NKAIN2: variants seen among roughly 807,000 people sequenced by gnomAD.
The protein encoded by NKAIN2 is sodium/potassium-transporting ATPase subunit beta-1-interacting protein 2.
NKAIN2 carries 14 observed loss-of-function variants against 32.6 expected under a neutral mutation model. The observed-to-expected ratio is 0.43, with a 90% CI of 0.28 to 0.67. NKAIN2 has a LOEUF of 0.67. Ranked by LOEUF, NKAIN2 falls within the 30% of genes least tolerant of loss-of-function variation. The probability of loss-of-function intolerance (pLI) is 0.17; values close to 1 mark genes in which losing one functional copy is unlikely to be tolerated. For synonymous variants in NKAIN2, 80 were observed against 87.2 expected (o/e 0.92, Z 0.46); for missense variants, 198 against 258.3 (o/e 0.77, Z 1.60).
At chr6:124,157,389 AT>A (rs1254774171) in intron 1 of NKAIN2, among the ~76,000 whole-genome samples, 2 of 151,436 alleles carry the variant, frequency 1.3e-5, no homozygotes, top group African/African-American at 2.4e-5. Context: ...TTCCTTCTTT[AT>A]TTTCTGTGTG....
intron 1 of NKAIN2, among the ~76,000 whole-genome samples, chr6:124,001,977 A>G (rs1184523826): frequency 6.6e-6 from 1 of 151,978 alleles, no homozygotes; most frequent in Non-Finnish European, 1.5e-5. Context: ...TAACTTATTC[A>G]TTCAACAAAC....
chr6:124,204,634 C>CAACG (rs1790766256), intron 1 of NKAIN2, among the ~76,000 whole-genome samples: 1 of 151,672 alleles, frequency 6.6e-6, no homozygotes. Context: ...TGTCAAAGGG[C>CAACG]AACTATTCAT....
chr6:124,579,103 A>G (rs1185312815), intron 3 of NKAIN2, among the ~76,000 whole-genome samples: 5 of 152,186 alleles, frequency 3.3e-5, no homozygotes, highest in South Asian at 2.1e-4. Flanking sequence ...CCAAATCCCT[A>G]TGAATACCTG....
chr6:124,000,116 A>G (rs1779810011), intron 1 of NKAIN2, among the ~76,000 whole-genome samples: 1 of 152,130 alleles, frequency 6.6e-6, no homozygotes, highest in African/African-American at 2.4e-5. Context: ...TTAACATTTC[A>G]TCGTCTTCCA....
At chr6:124,533,169 G>A (rs974520413) in intron 3 of NKAIN2, among the ~76,000 whole-genome samples, 10 of 152,062 alleles carry the variant, frequency 6.6e-5, no homozygotes, top group African/African-American at 2.4e-4. Flanking sequence ...TACTTGGTGT[G>A]TCTGTGATAA....
intron 2 of NKAIN2, among the ~76,000 whole-genome samples, chr6:124,336,408 A>G (rs1426062820): frequency 6.6e-6 from 1 of 152,178 alleles, no homozygotes; most frequent in East Asian, 1.9e-4. Flanking sequence ...TTCCTGGAAG[A>G]ACAGAGTGTT....
intron 2 of NKAIN2, among the ~76,000 whole-genome samples, chr6:124,295,138 G>T (rs536544781): frequency 1.3e-4 from 20 of 152,224 alleles, no homozygotes; most frequent in African/African-American, 3.4e-4. Context: ...TGTTTTGAAA[G>T]GTTAGTGTTT....
intron 1 of NKAIN2, among the ~76,000 whole-genome samples, chr6:124,051,473 G>A (rs140752311): frequency 0.014 from 2,125 of 151,758 alleles, 48 homozygotes; most frequent in African/African-American, 0.049. Flanking sequence ...TGTACACAAC[G>A]TGCAGGTTTG....
In NKAIN2 at chr6:123,942,775, C is replaced by T. The variant is rs535720620; in HGVS notation, c.54+138521C>T. Among the ~76,000 whole-genome samples, 38 of 152,054 alleles carry T rather than the reference C, an allele frequency of 2.5e-4. No homozygotes were observed. In the South Asian group the frequency reaches 6.0e-3, roughly 24 times the overall value. ...GGCTTCTTAAACATAATCCTATGAGCCATGATTTAAATTAACAAACCTTAT... is the reference window on the plus strand; with the variant it reads ...GGCTTCTTAAACATAATCCTATGAGTCATGATTTAAATTAACAAACCTTAT... On this transcript the variant is annotated intron_variant, in intron 1 of 6. Coordinates refer to ENST00000368417, the MANE Select transcript of NKAIN2 (RefSeq NM_001040214.3).
intron 2 of NKAIN2, among the ~76,000 whole-genome samples, chr6:124,326,399 A>G (rs1050543878): frequency 2.6e-5 from 4 of 151,882 alleles, no homozygotes; most frequent in Admixed American, 6.6e-5. Flanking sequence ...CAGCTTCCTC[A>G]CTCCAGGGTT....
chr6:124,349,970 C>G (rs564669739), intron 2 of NKAIN2, among the ~76,000 whole-genome samples: 3 of 152,206 alleles, frequency 2.0e-5, no homozygotes, highest in East Asian at 1.9e-4. Flanking sequence ...TTTTATCATA[C>G]AATAGAATTT....
chr6:124,489,830 T>C (rs1444313237), intron 3 of NKAIN2, among the ~76,000 whole-genome samples: 1 of 151,836 alleles, frequency 6.6e-6, no homozygotes, highest in African/African-American at 2.4e-5. Context: ...TTTTTTAACA[T>C]GGTATATAAT....
At chr6:123,840,442 C>T (rs952459581) in intron 1 of NKAIN2, among the ~76,000 whole-genome samples, 4 of 151,946 alleles carry the variant, frequency 2.6e-5, no homozygotes, top group Admixed American at 6.6e-5. Context: ...CATATTTGTA[C>T]CTAAAGAGAT....
At chr6:124,133,360 A>G (rs566919010) in intron 1 of NKAIN2, among the ~76,000 whole-genome samples, 1 of 152,222 alleles carries the variant, frequency 6.6e-6, no homozygotes, top group East Asian at 1.9e-4. Context: ...CTGTGAGGTA[A>G]ATGGCTTTCC....
intron 1 of NKAIN2, among the ~76,000 whole-genome samples, chr6:124,006,241 C>G (rs1490600357): frequency 6.6e-6 from 1 of 152,106 alleles, no homozygotes; most frequent in Non-Finnish European, 1.5e-5. Flanking sequence ...GGAAAAGCAA[C>G]AAGAGCAAGG....
intron 1 of NKAIN2, among the ~76,000 whole-genome samples, chr6:123,952,233 G>C (rs776562949): frequency 1.3e-5 from 2 of 151,890 alleles, no homozygotes; most frequent in Non-Finnish European, 2.9e-5. Flanking sequence ...TTCTCTCCTG[G>C]CCTGTAGAAT....
chr6:124,731,447 A>T (rs908953534), intron 4 of NKAIN2, among the ~76,000 whole-genome samples: 11 of 149,310 alleles, frequency 7.4e-5, no homozygotes, highest in Non-Finnish European at 1.5e-4. Context: ...TTCTCAGTAA[A>T]CTATCGCAAG....
At chr6:124,023,841 G>T (rs1006610507) in intron 1 of NKAIN2, among the ~76,000 whole-genome samples, 3 of 152,076 alleles carry the variant, frequency 2.0e-5, no homozygotes, top group Non-Finnish European at 4.4e-5. Flanking sequence ...TTTGGGGATA[G>T]ACATTACTAA....
intron 4 of NKAIN2, among the ~76,000 whole-genome samples, chr6:124,709,697 A>G (rs1775327823): frequency 6.6e-6 from 1 of 151,264 alleles, no homozygotes; most frequent in South Asian, 2.1e-4. Context: ...CCCCTTTATC[A>G]TTTTTTATTG....
Sources: gnomAD v4.1 joint callset for allele counts (sites outside exome capture counted in the v4.1 genomes callset) on GRCh38, gnomAD v4.1.1 for gene constraint, MANE v1.5 for transcripts, NCBI Gene and HGNC (gene_info 2026-07-23, HGNC 2026-07-21) for gene names.